The following KLHL29 variants were observed in gnomAD, a reference collection of about 807,000 sequenced individuals.
The protein encoded by KLHL29 is kelch-like protein 29.
KLHL29 carries 21 observed loss-of-function variants against 80.4 expected under a neutral mutation model. The ratio of observed to expected loss-of-function variants is 0.26; its 90% CI spans 0.19 to 0.38. The LOEUF (loss-of-function observed/expected upper bound fraction) is 0.38, where lower values mean the gene tolerates loss of function less well. KLHL29 is among the 10% of genes least tolerant of loss of function. KLHL29 has a pLI of 1.00. For synonymous variants in KLHL29, 511 were observed against 526.8 expected (o/e 0.97, Z 0.41); for missense variants, 867 against 1,223.9 (o/e 0.71, Z 4.35).
rs1220194402 is a variant in KLHL29 at position 23,457,151 on chromosome 2, A to AC, written c.-153-18408dup. On this transcript the variant is annotated intron_variant, in intron 1 of 13. Coordinates refer to ENST00000486442, the MANE Select transcript of KLHL29 (RefSeq NM_052920.2). The surrounding 1 kb of genome is among the most constrained non-coding windows in gnomAD (Gnocchi z 4.3). The stretch of plus-strand genomic sequence containing the variant: ...GAGCTAGAGGCATCTGGTGACAGGA[A>AC]CAGGAGGAGGTTAAAGCAATCCGTG... Among the ~76,000 whole-genome samples, 5 of 152,192 alleles carry AC rather than the reference A, an allele frequency of 3.3e-5. No individual in the cohort carries two copies. Among genetic ancestry groups the AC allele is most frequent in the African/African-American group, 1.2e-4 (5 of 41,456 alleles).
At chr2:23,557,936 A>T (rs1225053228) in intron 2 of KLHL29, among the ~76,000 whole-genome samples, 1 of 152,146 alleles carries the variant, frequency 6.6e-6, no homozygotes, top group Non-Finnish European at 1.5e-5. Flanking sequence ...CGCCCCCAGT[A>T]TGCAACATCC....
At chr2:23,579,516 G>T (rs567216806) in intron 3 of KLHL29, among the ~76,000 whole-genome samples, 1 of 151,894 alleles carries the variant, frequency 6.6e-6, no homozygotes. Flanking sequence ...TCCCTCCCTC[G>T]CCATCCTCAT....
intron 1 of KLHL29, among the ~76,000 whole-genome samples, chr2:23,402,864 A>G (rs1666627185): frequency 1.3e-5 from 2 of 151,622 alleles, no homozygotes; most frequent in African/African-American, 2.4e-5. Flanking sequence ...GTGTGTGTAT[A>G]TATATGTACA....
intron 3 of KLHL29, among the ~76,000 whole-genome samples, chr2:23,573,039 C>T (rs1174099253): frequency 7.2e-6 from 1 of 138,592 alleles, no homozygotes; most frequent in African/African-American, 2.8e-5. Flanking sequence ...AAGACGTAAC[C>T]CCGTGGTGAG....
intron 2 of KLHL29, among the ~76,000 whole-genome samples, chr2:23,540,340 A>T (rs1272204334): frequency 6.6e-6 from 1 of 152,270 alleles, no homozygotes; most frequent in Non-Finnish European, 1.5e-5. Context: ...CATGCTGGCC[A>T]ATTGTCAAGT....
At chr2:23,584,175 T>C (rs1489313672) in intron 3 of KLHL29, among the ~76,000 whole-genome samples, 1 of 152,194 alleles carries the variant, frequency 6.6e-6, no homozygotes, top group Non-Finnish European at 1.5e-5. Flanking sequence ...GCCTCCCAGG[T>C]CTGTGCCGTG....
chr2:23,431,624 G>C (rs954412647), intron 1 of KLHL29, among the ~76,000 whole-genome samples: 4 of 152,052 alleles, frequency 2.6e-5, no homozygotes, highest in African/African-American at 9.7e-5. Flanking sequence ...CGGGCGCGGT[G>C]GCTCACGCCT....
chr2:23,453,626 G>GA (rs1239679863), intron 1 of KLHL29, among the ~76,000 whole-genome samples: 1 of 152,194 alleles, frequency 6.6e-6, no homozygotes, highest in Non-Finnish European at 1.5e-5. Context: ...GGCACCCTGA[G>GA]AAATGGACGG....
intron 5 of KLHL29, 120 bp downstream of exon 5, chr2:23,642,970 C>T: frequency 8.3e-7 from 1 of 1,199,042 alleles, no homozygotes; most frequent in Non-Finnish European, 1.2e-6. Flanking sequence ...CCTCCCCAAC[C>T]CAGAGGCTGC....
At chr2:23,673,468 T>C (rs181822363) in intron 5 of KLHL29, among the ~76,000 whole-genome samples, 48 of 148,784 alleles carry the variant, frequency 3.2e-4, no homozygotes, top group South Asian at 8.6e-4. Flanking sequence ...CATACACACA[T>C]GGGCACATTC....
intron 2 of KLHL29, among the ~76,000 whole-genome samples, chr2:23,500,976 C>T (rs540048802): frequency 2.9e-4 from 44 of 152,274 alleles, no homozygotes; most frequent in Middle Eastern, 3.4e-3. Context: ...TGCGGCGGAG[C>T]ATCTCCCGGC....
chr2:23,492,559 A>T (rs1193629469), intron 2 of KLHL29, among the ~76,000 whole-genome samples: 1 of 152,202 alleles, frequency 6.6e-6, no homozygotes, highest in Admixed American at 6.5e-5. Flanking sequence ...GACTTTAAGA[A>T]ATTAGCTGGA....
chr2:23,387,261 A>T (rs2103379333), intron 1 of KLHL29, among the ~76,000 whole-genome samples: 1 of 152,352 alleles, frequency 6.6e-6, no homozygotes, highest in Admixed American at 6.5e-5. Context: ...CCGCTGCTGC[A>T]GGTTCCAGCC....
rs763489211 is a variant in KLHL29, at chr2:23,680,055, G to A, written c.941-4344G>A. On this transcript the variant is annotated intron_variant, in intron 5 of 13. Coordinates refer to ENST00000486442, the MANE Select transcript of KLHL29 (RefSeq NM_052920.2). This position sits in a 1 kb window ranked among gnomAD's most constrained non-coding sequence, Gnocchi z 4.1. Reference sequence around the variant, plus strand: ...CCCTTCAGCCCCGAAGGATTTGTGTGGCCAGTGGCTGTGAGGATGCAGTGT... The same window carrying A: ...CCCTTCAGCCCCGAAGGATTTGTGTAGCCAGTGGCTGTGAGGATGCAGTGT... Among the ~76,000 whole-genome samples, 12 of 152,332 alleles carry A rather than the reference G, an allele frequency of 7.9e-5. No individual in the cohort carries two copies. The highest frequency in any genetic ancestry group is 1.6e-4 in the Non-Finnish European group (11 of 68,032).
At chr2:23,434,320 CAAAAAAAAAAAAAAAAA>C (rs34991893) in intron 1 of KLHL29, among the ~76,000 whole-genome samples, 1 of 54,912 alleles carries the variant, frequency 1.8e-5, no homozygotes, top group African/African-American at 8.0e-5. Context: ...GACTCCGTCT[CAAAAAAAAAAAAAAAAA>C]AAAAAAAAGC....
chr2:23,461,944 AG>A (rs1664220969), intron 1 of KLHL29, among the ~76,000 whole-genome samples: 1 of 145,174 alleles, frequency 6.9e-6, no homozygotes, highest in African/African-American at 2.6e-5. Context: ...CCCAGGTATT[AG>A]TTTGGTGCAA....
At position 23,696,364 on chromosome 2, in the gene KLHL29, T is replaced by A. The variant is rs1168889590; in HGVS notation, c.1956T>A (p.Asp652Glu). Residue 652 changes from aspartate (D) to glutamate (E), a missense_variant, in exon 11 of 14, where the codon GAT (aspartate) becomes GAA (glutamate). Around this residue, in one of 2 missense-constraint regions of KLHL29, gnomAD observed 443 missense variants for 767.0 expected, o/e 0.58. Coordinates refer to ENST00000486442, the MANE Select transcript of KLHL29 (RefSeq NM_052920.2). This position sits in a 1 kb window ranked among gnomAD's most constrained non-coding sequence, Gnocchi z 5.5. Reference sequence around the variant, plus strand: ...TGGAATCAGGGGTGACGCTGGCTGATGTCTGGTGCTACATGTCCCTGCTTG... The same window carrying A: ...TGGAATCAGGGGTGACGCTGGCTGAAGTCTGGTGCTACATGTCCCTGCTTG... ...GGMESGVTLA[D>E]VWCYMSLLDN... 1 of 1,551,512 alleles carries A rather than the reference T, an allele frequency of 6.4e-7. No individual in the cohort carries two copies. The highest frequency in any genetic ancestry group is 8.7e-7 in the Non-Finnish European group (1 of 1,146,982).
Position 23,702,550 on chromosome 2 carries a change from TCA to T in KLHL29, c.2106-635_2106-634del, listed in dbSNP as rs372215215. Among the ~76,000 whole-genome samples the T allele has an allele frequency of 1.9e-3, 284 of 152,282 alleles. 3 individuals are homozygous for T. Among genetic ancestry groups the T allele is most frequent in the African/African-American group, 5.2e-3 (218 of 41,552 alleles). On this transcript the variant is annotated intron_variant, in intron 11 of 13. Coordinates refer to ENST00000486442, the MANE Select transcript of KLHL29 (RefSeq NM_052920.2). ...CCTGTAATGTTTTCCCTGTGCCCAC[TCA>T]GTCCTGCTTCCCATCCACCTAGCTA...
intron 3 of KLHL29, chr2:23,616,900 G>C (rs993959852): frequency 6.6e-6 from 1 of 152,188 alleles, no homozygotes; most frequent in Admixed American, 6.5e-5. Flanking sequence ...CAGCACAAAG[G>C]GGCATCCTGC....
Sources: allele counts gnomAD v4.1 joint callset (sites outside exome capture counted in the v4.1 genomes callset), GRCh38; gene constraint gnomAD v4.1.1; regional missense constraint gnomAD v4.1.1; non-coding constraint Gnocchi (gnomAD v3.1); transcripts MANE v1.5; gene names NCBI Gene and HGNC (gene_info 2026-07-23, HGNC 2026-07-21).